The following NBAS variants were observed in gnomAD, a reference collection of about 807,000 sequenced individuals.
NBAS encodes the protein NAG/BC035112 fusion.
NBAS carries 219 observed loss-of-function variants against 302.5 expected under a neutral mutation model. The observed-to-expected ratio is 0.72, with a 90% CI of 0.65 to 0.81. The LOEUF (loss-of-function observed/expected upper bound fraction) is 0.81. NBAS is among the 30% of genes least tolerant of loss of function. The pLI, the probability that NBAS is intolerant of heterozygous loss-of-function variation, is 0.00. For synonymous variants in NBAS, 1,118 were observed against 1,021.6 expected, an observed-to-expected ratio of 1.09 and a Z score of -1.80; for missense variants, 2,932 against 2,841.6, an observed-to-expected ratio of 1.03 and a Z score of -0.72.
At chr2:14,955,109 C>T in the NBAS span, among the ~76,000 whole-genome samples, 1 of 152,210 alleles carries the variant, frequency 6.6e-6, no homozygotes, top group Admixed American at 6.5e-5. Flanking sequence ...TCGGTAAATA[C>T]ACCTATTCCA....
At chr2:15,548,212 T>G (rs1664208976) in intron 6 of NBAS, among the ~76,000 whole-genome samples, 1 of 152,108 alleles carries the variant, frequency 6.6e-6, no homozygotes, top group Non-Finnish European at 1.5e-5. Context: ...CTTGATACGG[T>G]CAAAAATTGT....
intron 44 of NBAS, among the ~76,000 whole-genome samples, chr2:15,243,133 C>T (rs1046528587): frequency 2.6e-5 from 4 of 152,160 alleles, no homozygotes; most frequent in East Asian, 1.9e-4. Context: ...AGCACTGCAA[C>T]GGTTCTAACT....
Position 15,322,667 on chromosome 2 carries a change from G to A in NBAS, c.4582+5083C>T, listed in dbSNP as rs115413045. ...AAAAAGTTCTATAAAGTCAGATTATGTTAGGAAGTTTAATTTGTATTATGA... is the reference window on the plus strand; with the variant it reads ...AAAAAGTTCTATAAAGTCAGATTATATTAGGAAGTTTAATTTGTATTATGA... On this transcript the variant is annotated intron_variant, in intron 38 of 51. Coordinates refer to ENST00000281513, the MANE Select transcript of NBAS (RefSeq NM_015909.4). Among the ~76,000 whole-genome samples the A allele has an allele frequency of 4.4e-3, 672 of 152,204 alleles. 10 individuals are homozygous for A. Among genetic ancestry groups the A allele is most frequent in the African/African-American group, 0.015 (643 of 41,554 alleles).
the NBAS span, among the ~76,000 whole-genome samples, chr2:14,847,060 G>A: frequency 6.6e-6 from 1 of 152,044 alleles, no homozygotes; most frequent in Non-Finnish European, 1.5e-5. Flanking sequence ...ATAATCTGTT[G>A]CCTACAAGAA....
intron 21 of NBAS, among the ~76,000 whole-genome samples, chr2:15,429,622 T>C (rs563331812): frequency 1.3e-5 from 2 of 152,232 alleles, no homozygotes; most frequent in East Asian, 3.9e-4. Flanking sequence ...TTGCAGTTAT[T>C]ATTATTGGGG....
At chr2:14,954,877 G>A in the NBAS span, among the ~76,000 whole-genome samples, 3 of 152,128 alleles carry the variant, frequency 2.0e-5, no homozygotes, top group African/African-American at 7.2e-5. Flanking sequence ...TTTGGGTAGG[G>A]ACACAGCCAA....
chr2:15,382,845 A>G (rs1572755444), intron 29 of NBAS, among the ~76,000 whole-genome samples: 1 of 152,220 alleles, frequency 6.6e-6, no homozygotes, highest in Non-Finnish European at 1.5e-5. Flanking sequence ...AGTTGGAAGT[A>G]GGGAAACAAG....
In NBAS at chr2:15,553,883, CCT is replaced by C. The variant is rs1461417464; in HGVS notation, c.287+176_287+177del. ...CCCTCCCTCTCTCCCTCTCTCTCTC[CCT>C]CTCTCTCTTTCCCTCTCTCTCTAAA... On this transcript the variant is annotated intron_variant, in intron 4 of 51. Transcript: ENST00000281513. Among the ~76,000 whole-genome samples, 13 of 120,770 alleles carry C rather than the reference CCT, an allele frequency of 1.1e-4. No individual in the cohort carries two copies. In the East Asian group the frequency reaches 1.9e-3, roughly 17 times the overall value. The allele number at this position is 120,770 out of a possible 152,430, so 79.2% of individuals were successfully genotyped here. A position where few individuals can be genotyped will look rare whatever the true frequency, so the allele number is the denominator to read the frequency against.
chr2:15,513,635 A>G (rs2148651780), intron 9 of NBAS, among the ~76,000 whole-genome samples: 1 of 151,952 alleles, frequency 6.6e-6, no homozygotes, highest in South Asian at 2.1e-4. Flanking sequence ...CCACACACAC[A>G]TAATCAAAGC....
the NBAS span, among the ~76,000 whole-genome samples, chr2:15,015,293 A>C: frequency 6.6e-6 from 1 of 152,030 alleles, no homozygotes; most frequent in Admixed American, 6.6e-5. Context: ...GGCCAGCAAA[A>C]CTCTAATACC....
the NBAS span, among the ~76,000 whole-genome samples, chr2:14,940,676 C>G: frequency 6.6e-6 from 1 of 152,206 alleles, no homozygotes; most frequent in African/African-American, 2.4e-5. Flanking sequence ...CAATGCCTCC[C>G]ACTACCTCCC....
At position 15,275,766 on chromosome 2, in the gene NBAS, C is replaced by T; in HGVS notation, c.5442G>A (p.Leu1814=). The T allele has an allele frequency of 6.2e-7, 1 of 1,614,020 alleles. No homozygotes were observed. The highest frequency in any genetic ancestry group is 8.5e-7 in the Non-Finnish European group (1 of 1,180,020). ...TATTTTGACTTGAAAGAACTGGCTC[C>T]AATGCTTCAAGAGGACTCATGTTTT... ...TDENMSPLEA[L]EPVLSSQNIL... Residue 1814 remains leucine, a synonymous_variant, in exon 44 of 52, where the codon TTG becomes TTA. Transcript: ENST00000281513.
At chr2:15,425,499 T>C (rs1216328614) in intron 22 of NBAS, among the ~76,000 whole-genome samples, 1 of 152,208 alleles carries the variant, frequency 6.6e-6, no homozygotes, top group Non-Finnish European at 1.5e-5. Flanking sequence ...GTGCTTAATT[T>C]TATTTACTGT....
At chr2:14,789,382 C>A in the NBAS span, among the ~76,000 whole-genome samples, 1 of 152,112 alleles carries the variant, frequency 6.6e-6, no homozygotes, top group East Asian at 1.9e-4. Flanking sequence ...GAGATGAACC[C>A]GGTACCTCAG....
chr2:15,536,296 C>T, intron 8 of NBAS, 122 bp downstream of exon 8: 2 of 1,160,684 alleles, frequency 1.7e-6, no homozygotes, highest in South Asian at 2.8e-5. Flanking sequence ...TTCAAATTCC[C>T]TATTATATTT....
chr2:15,321,440 C>T (rs1033316429), intron 38 of NBAS, among the ~76,000 whole-genome samples: 2 of 152,072 alleles, frequency 1.3e-5, no homozygotes, highest in Non-Finnish European at 1.5e-5. Flanking sequence ...AAAGAAACCA[C>T]CATTGGAGTG....
chr2:15,317,204 A>G (rs188037122), intron 38 of NBAS, among the ~76,000 whole-genome samples: 7 of 152,324 alleles, frequency 4.6e-5, no homozygotes, highest in African/African-American at 1.7e-4. Context: ...TCGCATCAAC[A>G]TCAACAAAAA....
At chr2:15,480,809 T>C (rs762796591) in intron 12 of NBAS, among the ~76,000 whole-genome samples, 5 of 152,200 alleles carry the variant, frequency 3.3e-5, no homozygotes, top group African/African-American at 7.2e-5. Flanking sequence ...GTTAATGATA[T>C]CCTTTTTTAT....
chr2:15,475,757 T>C lies in NBAS; in HGVS notation c.1271A>G (p.Lys424Arg). The C allele has an allele frequency of 6.2e-7, 1 of 1,614,114 alleles. No individual in the cohort carries two copies. The highest frequency in any genetic ancestry group is 1.1e-5 in the South Asian group (1 of 91,084). The change falls in exon 14 of 52, where the codon AAA becomes AGA. Residue 424 changes from lysine (K) to arginine (R), a missense_variant. By Grantham distance (26) the Lys-to-Arg change is conservative (BLOSUM62 2). Transcript: ENST00000281513. The part of the protein sequence containing the change: ...SVKTLKNLLG[K>R]SCEWFEPSPQ... ...TGATGGTTCAAACCATTCACAGGATTTTCCCAGTAAATTCTTCAAAGTTTT... is the reference window on the plus strand; with the variant it reads ...TGATGGTTCAAACCATTCACAGGATCTTCCCAGTAAATTCTTCAAAGTTTT...
Sources: gnomAD v4.1 joint callset for allele counts (sites outside exome capture counted in the v4.1 genomes callset) on GRCh38, gnomAD v4.1.1 for gene constraint, MANE v1.5 for transcripts, NCBI Gene and HGNC (gene_info 2026-07-23, HGNC 2026-07-21) for gene names.